The following UPB1 variants were observed in gnomAD, a reference collection of about 807,000 sequenced individuals.
UPB1 encodes the protein beta-ureidopropionase 1, also known as beta-ureidopropionase.
Under a neutral mutation model 49.1 loss-of-function variants are expected in UPB1, and 40 were observed. That is an observed-to-expected ratio of 0.81 (90% CI 0.63 to 1.06). UPB1 has a LOEUF of 1.06. UPB1 is among the 50% of genes least tolerant of loss of function. The pLI, the probability that UPB1 is intolerant of heterozygous loss-of-function variation, is 0.00. For missense variants in UPB1, 499 were observed against 505.9 expected, an observed-to-expected ratio of 0.99 and a Z score of 0.13; for synonymous variants, 207 against 198.2, an observed-to-expected ratio of 1.04 and a Z score of -0.38.
At position 24,523,744 on chromosome 22, in the gene UPB1, C is replaced by T; in HGVS notation, c.1042C>T (p.Gln348Ter). 1 of 1,614,280 alleles carries T rather than the reference C, an allele frequency of 6.2e-7. No individual in the cohort carries two copies. Among genetic ancestry groups the T allele is most frequent in the Non-Finnish European group, 8.5e-7 (1 of 1,180,054 alleles). Residue 348 changes from glutamine (Q) to a stop codon, truncating the protein, a stop_gained, in exon 9 of 10, where the codon CAG (glutamine) becomes TAG (stop). Transcript: ENST00000326010. LOFTEE classifies it high-confidence loss of function. The stretch of plus-strand genomic sequence containing the variant: ...TGCTAAGCTCGACCTAAACCTCTGC[C>T]AGCAGGTGAATGATGTCTGGAACTT... ...LVAKLDLNLCQQVNDVWNFKM... is the reference protein window; with the variant it reads ...LVAKLDLNLC
chr22:24,511,978 T>G (rs530105897), intron 4 of UPB1, among the ~76,000 whole-genome samples: 54 of 152,308 alleles, frequency 3.5e-4, no homozygotes, highest in Non-Finnish European at 6.2e-4. Context: ...TCATTTATCC[T>G]TATTTTCACC....
intron 1 of UPB1, among the ~76,000 whole-genome samples, chr22:24,496,155 A>C (rs1046784682): frequency 6.6e-5 from 10 of 151,704 alleles, no homozygotes; most frequent in African/African-American, 2.4e-4. Flanking sequence ...GATTGCTTGA[A>C]CTCAGGAGTT....
intron 4 of UPB1, among the ~76,000 whole-genome samples, chr22:24,511,551 C>T (rs567535571): frequency 5.9e-5 from 9 of 151,604 alleles, no homozygotes; most frequent in Middle Eastern, 3.5e-3. Context: ...TCCCACCTCT[C>T]GCTACTGTAC....
chr22:24,516,634 G>T (rs1041546998), intron 6 of UPB1: 37 of 152,390 alleles, frequency 2.4e-4, no homozygotes, highest in African/African-American at 7.9e-4. Flanking sequence ...GGGGAGCAGG[G>T]GGAGTTCTGG....
chr22:24,507,707 C>A (rs1023496194), intron 3 of UPB1, among the ~76,000 whole-genome samples: 8 of 152,120 alleles, frequency 5.3e-5, no homozygotes, highest in African/African-American at 1.7e-4. Flanking sequence ...ATGCAAATGT[C>A]GGCAATTAGA....
intron 1 of UPB1, among the ~76,000 whole-genome samples, chr22:24,499,793 CTT>C (rs1260896301): frequency 1.3e-5 from 2 of 152,230 alleles, no homozygotes; most frequent in African/African-American, 4.8e-5. Context: ...ACTGCCAGGA[CTT>C]TAATTCCTAC....
At chr22:24,501,778 C>T (rs1012208327) in intron 2 of UPB1, among the ~76,000 whole-genome samples, 6 of 152,162 alleles carry the variant, frequency 3.9e-5, no homozygotes, top group Non-Finnish European at 8.8e-5. Flanking sequence ...GAGTCCCGGG[C>T]CAAGGGGGTG....
Position 24,510,732 on chromosome 22 carries a change from C to T in UPB1, c.365-17C>T, listed in dbSNP as rs764266144. On this transcript the variant is annotated splice_polypyrimidine_tract_variant and intron_variant, in intron 3 of 9. Transcript: ENST00000326010. ...TGTGCATGTTGGATATAATTCTGCC[C>T]TTTCTCCTATTTATAGCTATGCCCT... The T allele has an allele frequency of 3.7e-6, 6 of 1,613,348 alleles. No individual in the cohort carries two copies. Among genetic ancestry groups the T allele is most frequent in the South Asian group, 3.3e-5 (3 of 91,056 alleles).
At position 24,495,437 on chromosome 22, in the gene UPB1, T is replaced by A; in HGVS notation, c.34T>A (p.Cys12Ser). The stretch of plus-strand genomic sequence containing the variant: ...CGCTGAGTGGAAGTCGCTGGAGGAA[T>A]GCTTGGAGAAGCACCTGCCGCTCCC... ...AGAEWKSLEE[C>S]LEKHLPLPDL... The change falls in exon 1 of 10, where the codon TGC (cysteine) becomes AGC (serine). Residue 12 changes from cysteine to serine, a missense_variant. Transcript: ENST00000326010. 2 of 1,613,700 alleles carry A rather than the reference T, an allele frequency of 1.2e-6. No individual in the cohort carries two copies. The highest frequency in any genetic ancestry group is 2.2e-5 in the South Asian group (2 of 91,088).
intron 9 of UPB1, 67 bp downstream of exon 9, chr22:24,523,840 T>C: frequency 1.9e-6 from 3 of 1,609,102 alleles, no homozygotes; most frequent in Non-Finnish European, 2.5e-6. Flanking sequence ...TCTCAGGAAC[T>C]GCTGTTGCGG....
At chr22:24,499,584 GACA>G (rs2043953784) in intron 1 of UPB1, among the ~76,000 whole-genome samples, 1 of 152,050 alleles carries the variant, frequency 6.6e-6, no homozygotes, top group Non-Finnish European at 1.5e-5. Flanking sequence ...GGAGCAGCAG[GACA>G]GAGTGGCCAG....
intron 2 of UPB1, 130 bp downstream of exon 2, chr22:24,500,408 C>A (rs1003085329): frequency 2.5e-6 from 3 of 1,218,430 alleles, no homozygotes; most frequent in Non-Finnish European, 3.5e-6. Flanking sequence ...GTAGCAGAGG[C>A]GCTTCTGCCC....
At chr22:24,512,711 G>A (rs993087821) in intron 4 of UPB1, among the ~76,000 whole-genome samples, 10 of 151,996 alleles carry the variant, frequency 6.6e-5, no homozygotes, top group African/African-American at 1.5e-4. Flanking sequence ...GGCAACCACC[G>A]TTCTATTAAT....
At chr22:24,518,015 A>C (rs560390661) in intron 6 of UPB1, 1 of 152,344 alleles carries the variant, frequency 6.6e-6, no homozygotes, top group East Asian at 1.9e-4. Context: ...AAATACAAAA[A>C]TTAGCCGGGC....
At chr22:24,509,136 G>T (rs958845294) in intron 3 of UPB1, among the ~76,000 whole-genome samples, 1 of 152,242 alleles carries the variant, frequency 6.6e-6, no homozygotes, top group East Asian at 1.9e-4. Flanking sequence ...GTGAGGCACC[G>T]TTCACACCAG....
chr22:24,496,836 A>G (rs1568977180), intron 1 of UPB1, among the ~76,000 whole-genome samples: 1 of 152,138 alleles, frequency 6.6e-6, no homozygotes, highest in East Asian at 1.9e-4. Context: ...GATGGCTCAG[A>G]AATGTCTAGC....
chr22:24,511,905 G>A (rs567873006), intron 4 of UPB1, among the ~76,000 whole-genome samples: 41 of 152,080 alleles, frequency 2.7e-4, no homozygotes, highest in Admixed American at 2.7e-3. Context: ...GTGAGCCACC[G>A]CACCTGGCCT....
chr22:24,523,551 C>T (rs776398323), intron 8 of UPB1, 68 bp from the exon 9 acceptor site: 2 of 1,608,864 alleles, frequency 1.2e-6, no homozygotes, highest in East Asian at 4.5e-5. Context: ...CTCAAGGTGC[C>T]TGACCCTCTG....
intron 8 of UPB1, 40 bp from the exon 9 acceptor site, chr22:24,523,579 C>A (rs768934322): frequency 1.2e-6 from 2 of 1,613,778 alleles, no homozygotes; most frequent in Non-Finnish European, 1.7e-6. Flanking sequence ...CACAGTGCAT[C>A]TACACAAGCT....
Sources: gnomAD v4.1 joint callset for allele counts (sites outside exome capture counted in the v4.1 genomes callset) on GRCh38, gnomAD v4.1.1 for gene constraint, MANE v1.5 for transcripts, NCBI Gene and HGNC (gene_info 2026-07-23, HGNC 2026-07-21) for gene names.